The following SHISA6 variants were observed in gnomAD, a reference collection of about 807,000 sequenced individuals.
The protein encoded by SHISA6 is protein shisa-6.
Under a neutral mutation model 47.9 loss-of-function variants are expected in SHISA6, and 22 were observed. That is an observed-to-expected ratio of 0.46 (90% CI 0.33 to 0.66). The LOEUF is 0.66. Ranked by LOEUF, SHISA6 falls within the 30% of genes least tolerant of loss-of-function variation. The pLI is 0.02. For missense variants in SHISA6, 680 were observed against 764.6 expected, an observed-to-expected ratio of 0.89 and a Z score of 1.30; for synonymous variants, 388 against 337.8, an observed-to-expected ratio of 1.15 and a Z score of -1.63.
chr17:11,359,013 A>G (rs1912174473), intron 2 of SHISA6, among the ~76,000 whole-genome samples: 1 of 152,124 alleles, frequency 6.6e-6, no homozygotes, highest in Admixed American at 6.5e-5. Context: ...TGTACATACC[A>G]CATTTTATTT....
intron 3 of SHISA6, among the ~76,000 whole-genome samples, chr17:11,519,072 C>T (rs569757447): frequency 6.6e-6 from 1 of 152,308 alleles, no homozygotes; most frequent in African/African-American, 2.4e-5. Context: ...TTGTCCTCTT[C>T]CCCTCTCCCT....
At chr17:11,352,295 T>A (rs1270351731) in intron 2 of SHISA6, among the ~76,000 whole-genome samples, 3 of 150,494 alleles carry the variant, frequency 2.0e-5, no homozygotes, top group Non-Finnish European at 3.0e-5. Flanking sequence ...TATTGAGAAA[T>A]CAAAGGAGGA....
chr17:11,267,128 C>T (rs1908453989), intron 2 of SHISA6, among the ~76,000 whole-genome samples: 2 of 152,144 alleles, frequency 1.3e-5, no homozygotes, highest in Non-Finnish European at 2.9e-5. Flanking sequence ...GCCTTTTACC[C>T]CAACTCTTCC....
intron 2 of SHISA6, among the ~76,000 whole-genome samples, chr17:11,265,308 GC>G (rs10713897): frequency 0.98 from 149,444 of 152,272 alleles, 73,387 homozygotes; most frequent in East Asian, 1. Flanking sequence ...GAAAACCTAA[GC>G]CCAATGGTTC....
At chr17:11,339,499 C>T (rs912057235) in intron 2 of SHISA6, among the ~76,000 whole-genome samples, 1 of 151,742 alleles carries the variant, frequency 6.6e-6, no homozygotes, top group African/African-American at 2.4e-5. Flanking sequence ...TATAGAATAA[C>T]AAGAAATCGT....
chr17:11,303,872 C>T (rs1342786242), intron 2 of SHISA6, among the ~76,000 whole-genome samples: 2 of 152,156 alleles, frequency 1.3e-5, no homozygotes, highest in South Asian at 4.1e-4. Context: ...TGTGTTTCCT[C>T]CAGTTGTGTT....
At position 11,526,635 on chromosome 17, in the gene SHISA6, T is replaced by C. The variant is rs545166612; in HGVS notation, c.896-25261T>C. Among the ~76,000 whole-genome samples, 10 of 152,160 alleles carry C rather than the reference T, an allele frequency of 6.6e-5. No homozygotes were observed. The South Asian group carries it at 1.7e-3, about 25-fold the overall frequency. On this transcript the variant is annotated intron_variant, in intron 3 of 5. Coordinates refer to ENST00000441885, the MANE Select transcript of SHISA6 (RefSeq NM_207386.4). ...CCCGATGGTTCATCTGGGGGTCTTT[T>C]CTACTTAGAACCCAATGATAGTTCC... is the stretch of plus-strand genomic sequence containing the variant.
At chr17:11,358,889 G>T (rs1450521391) in intron 2 of SHISA6, among the ~76,000 whole-genome samples, 1 of 151,848 alleles carries the variant, frequency 6.6e-6, no homozygotes, top group East Asian at 1.9e-4. Flanking sequence ...GAACTCCTGA[G>T]CTCAAAGCAA....
intron 2 of SHISA6, among the ~76,000 whole-genome samples, chr17:11,373,260 C>G (rs1265826589): frequency 6.6e-6 from 1 of 151,850 alleles, no homozygotes; most frequent in Non-Finnish European, 1.5e-5. Flanking sequence ...ACTGGACACT[C>G]TTTGTGGCCT....
chr17:11,242,125 C>T, intron 1 of SHISA6, 65 bp downstream of exon 1: 1 of 1,538,694 alleles, frequency 6.5e-7, no homozygotes, highest in Non-Finnish European at 8.7e-7. Context: ...CTTGCTTCCC[C>T]TGTCCTCTTC....
At chr17:11,246,747 A>G (rs374499568) in intron 1 of SHISA6, among the ~76,000 whole-genome samples, 2 of 152,180 alleles carry the variant, frequency 1.3e-5, no homozygotes, top group African/African-American at 4.8e-5. Context: ...TCACTTAACA[A>G]ATGAGCCCTG....
chr17:11,505,921 T>G (rs17774110), intron 3 of SHISA6, among the ~76,000 whole-genome samples: 1 of 152,046 alleles, frequency 6.6e-6, no homozygotes, highest in Admixed American at 6.5e-5. Flanking sequence ...ACGATGCGTA[T>G]TGGAATAGCA....
intron 2 of SHISA6, among the ~76,000 whole-genome samples, chr17:11,337,154 G>C (rs1911350073): frequency 6.6e-6 from 1 of 152,184 alleles, no homozygotes; most frequent in African/African-American, 2.4e-5. Flanking sequence ...CAGAGTCTGA[G>C]ACAAGAATTT....
At chr17:11,399,341 A>G (rs1232287105) in intron 3 of SHISA6, among the ~76,000 whole-genome samples, 1 of 152,214 alleles carries the variant, frequency 6.6e-6, no homozygotes, top group African/African-American at 2.4e-5. Flanking sequence ...ACTAATCAAT[A>G]TTGAGTGTAG....
intron 2 of SHISA6, among the ~76,000 whole-genome samples, chr17:11,353,340 C>G (rs1911958390): frequency 6.6e-6 from 1 of 151,762 alleles, no homozygotes; most frequent in Non-Finnish European, 1.5e-5. Context: ...ACATGTAGTC[C>G]CAGCTACTCG....
intron 3 of SHISA6, among the ~76,000 whole-genome samples, chr17:11,493,587 A>G (rs982896554): frequency 1.6e-4 from 25 of 152,164 alleles, no homozygotes; most frequent in South Asian, 4.1e-4. Context: ...GCGCGCACAC[A>G]CACACACACA....
At chr17:11,315,064 C>G (rs769043269) in intron 2 of SHISA6, among the ~76,000 whole-genome samples, 5 of 152,172 alleles carry the variant, frequency 3.3e-5, no homozygotes, top group Non-Finnish European at 2.9e-5. Flanking sequence ...GGCAGATTGA[C>G]ATTTTAAACA....
At chr17:11,292,061 A>T (rs1218527960) in intron 2 of SHISA6, among the ~76,000 whole-genome samples, 4 of 152,144 alleles carry the variant, frequency 2.6e-5, no homozygotes, top group African/African-American at 9.7e-5. Context: ...AGCAGCGTTC[A>T]AGAACAGAAC....
intron 3 of SHISA6, among the ~76,000 whole-genome samples, chr17:11,516,214 T>C (rs540427289): frequency 3.9e-5 from 6 of 152,304 alleles, no homozygotes; most frequent in African/African-American, 1.4e-4. Context: ...CATCTAGTGC[T>C]ACATAAGGAT....
Sources: gnomAD v4.1 joint callset for allele counts (sites outside exome capture counted in the v4.1 genomes callset) on GRCh38, gnomAD v4.1.1 for gene constraint, MANE v1.5 for transcripts, NCBI Gene and HGNC (gene_info 2026-07-23, HGNC 2026-07-21) for gene names.